The following AXDND1 variants were observed in gnomAD, a reference collection of about 807,000 sequenced individuals.
AXDND1 encodes the protein axonemal dynein light chain domain containing 1.
In AXDND1, 110 loss-of-function variants were observed where a neutral mutation model predicts 137.5. The ratio of observed to expected loss-of-function variants is 0.80; its 90% confidence interval spans 0.69 to 0.94. The LOEUF (loss-of-function observed/expected upper bound fraction) is 0.94. AXDND1 is among the 40% of genes least tolerant of loss of function. The pLI, the probability that AXDND1 is intolerant of heterozygous loss-of-function variation, is 0.00. For missense variants in AXDND1, 1,191 were observed against 1,169.8 expected (o/e 1.02, Z -0.26); for synonymous variants, 414 against 399.7 (o/e 1.04, Z -0.43).
At chr1:179,394,791 T>C (rs12125146) in intron 10 of AXDND1, among the ~76,000 whole-genome samples, 8,330 of 152,204 alleles carry the variant, frequency 0.055, 300 homozygotes, top group Middle Eastern at 0.099. Context: ...AGGATAGTCA[T>C]ATCAGAAAGC....
At chr1:179,505,990 C>T (rs919061366) in intron 20 of AXDND1, among the ~76,000 whole-genome samples, 2 of 152,168 alleles carry the variant, frequency 1.3e-5, no homozygotes, top group African/African-American at 2.4e-5. Flanking sequence ...GCAACCACTC[C>T]ACTTGGAGAT....
chr1:179,375,826 A>AT (rs1374209586), intron 4 of AXDND1, among the ~76,000 whole-genome samples: 3 of 152,134 alleles, frequency 2.0e-5, no homozygotes, highest in East Asian at 1.9e-4. Context: ...CAGCTCTAAC[A>AT]TTTTTCCCCT....
chr1:179,430,696 T>C, intron 14 of AXDND1, 90 bp downstream of exon 14: 1 of 1,373,604 alleles, frequency 7.3e-7, no homozygotes, highest in East Asian at 2.3e-5. Flanking sequence ...TCTTTTACCT[T>C]GTAATCACTC....
intron 20 of AXDND1, among the ~76,000 whole-genome samples, chr1:179,495,994 G>C (rs182295937): frequency 1.8e-4 from 27 of 149,348 alleles, no homozygotes; most frequent in African/African-American, 6.4e-4. Flanking sequence ...TTTTTAGTGC[G>C]TTAATATGGT....
chr1:179,501,050 C>T (rs1667947904), intron 20 of AXDND1, among the ~76,000 whole-genome samples: 1 of 152,142 alleles, frequency 6.6e-6, no homozygotes, highest in African/African-American at 2.4e-5. Context: ...ATGTTGCTAC[C>T]AGGGATCATA....
chr1:179,506,708 C>T (rs1428614014), intron 20 of AXDND1: 2 of 240,362 alleles, frequency 8.3e-6, no homozygotes, highest in Non-Finnish European at 1.3e-5. Flanking sequence ...CTAGCCTGGG[C>T]GACAGAGTAA....
At chr1:179,443,570 C>G (rs955908785) in intron 15 of AXDND1, among the ~76,000 whole-genome samples, 12 of 152,132 alleles carry the variant, frequency 7.9e-5, no homozygotes, top group Admixed American at 2.6e-4. Context: ...TTCTGCCTCC[C>G]CCAACCCCCT....
chr1:179,385,439 C>T, intron 9 of AXDND1, 80 bp downstream of exon 9: 1 of 1,502,112 alleles, frequency 6.7e-7, no homozygotes, highest in Non-Finnish European at 9.2e-7. Flanking sequence ...TTTGAGAATG[C>T]CACAAAAGTG....
chr1:179,396,030 G>A (rs1357624178), intron 11 of AXDND1, among the ~76,000 whole-genome samples: 1 of 152,044 alleles, frequency 6.6e-6, no homozygotes, highest in African/African-American at 2.4e-5. Context: ...TTAGCTGGAG[G>A]TGGAGGTGCT....
At chr1:179,544,245 G>A (rs41267602) in intron 25 of AXDND1, 1 of 152,302 alleles carries the variant, frequency 6.6e-6, no homozygotes, top group Non-Finnish European at 1.5e-5. Context: ...ATGCAAGTTT[G>A]TTAGCCTCTT....
intron 21 of AXDND1, among the ~76,000 whole-genome samples, chr1:179,519,589 T>A (rs1203679420): frequency 6.6e-6 from 1 of 152,226 alleles, no homozygotes; most frequent in Non-Finnish European, 1.5e-5. Flanking sequence ...GGGTTCCAGT[T>A]TCAGTTTTCT....
chr1:179,538,377 T>G (rs1201840647), intron 25 of AXDND1, among the ~76,000 whole-genome samples: 1 of 152,224 alleles, frequency 6.6e-6, no homozygotes, highest in African/African-American at 2.4e-5. Context: ...GTCCCAGAGA[T>G]TCTGGTATGT....
intron 17 of AXDND1, among the ~76,000 whole-genome samples, chr1:179,477,076 T>G (rs1368796099): frequency 1.3e-5 from 2 of 152,206 alleles, no homozygotes; most frequent in Admixed American, 1.3e-4. Context: ...TATATTTATC[T>G]TCAAGTTCAA....
At chr1:179,539,862 A>G (rs112941952) in intron 25 of AXDND1, among the ~76,000 whole-genome samples, 7,077 of 152,022 alleles carry the variant, frequency 0.047, 249 homozygotes, top group Non-Finnish European at 0.07. Context: ...ACATAGTCCC[A>G]TATTTCTTGG....
At chr1:179,411,379 C>T in intron 12 of AXDND1, 113 bp downstream of exon 12, 1 of 1,398,672 alleles carries the variant, frequency 7.1e-7, no homozygotes, top group East Asian at 2.5e-5. Context: ...CTTACTCACT[C>T]TGTTGCTTAG....
intron 25 of AXDND1, chr1:179,543,823 A>G (rs1672392596): frequency 6.6e-6 from 1 of 152,452 alleles, no homozygotes; most frequent in Admixed American, 6.5e-5. Flanking sequence ...GCTTATTTGT[A>G]GCTTGAGGGT....
chr1:179,535,754 G>T (rs1041835638), intron 25 of AXDND1, among the ~76,000 whole-genome samples: 2 of 152,162 alleles, frequency 1.3e-5, no homozygotes, highest in Admixed American at 6.5e-5. Flanking sequence ...TGGGATTGCT[G>T]GGTCAAATGG....
In AXDND1 at chr1:179,552,637, A is replaced by G. The variant is rs200681472; in HGVS notation, c.3032-1875A>G. ...GGCTTGTCTTTGCGCTTCAGCCTCCACAGCCAGTGAGTGCTGAAGCCCAGC... is the reference window on the plus strand; with the variant it reads ...GGCTTGTCTTTGCGCTTCAGCCTCCGCAGCCAGTGAGTGCTGAAGCCCAGC... On this transcript the variant is annotated intron_variant, in intron 25 of 25. Coordinates refer to ENST00000367618, the MANE Select transcript of AXDND1 (RefSeq NM_144696.6). The G allele has an allele frequency of 6.2e-7, 1 of 1,613,548 alleles. No individual in the cohort carries two copies. The highest frequency in any genetic ancestry group is 1.3e-5 in the African/African-American group (1 of 74,944).
chr1:179,552,171 TGGCTC>T, intron 25 of AXDND1: 3 of 208,404 alleles, frequency 1.4e-5, no homozygotes, highest in Admixed American at 5.2e-5. Flanking sequence ...AGCCTTCTCT[TGGCTC>T]TAGCATTGAG....
Sources: allele counts gnomAD v4.1 joint callset (sites outside exome capture counted in the v4.1 genomes callset), GRCh38; gene constraint gnomAD v4.1.1; transcripts MANE v1.5; gene names NCBI Gene and HGNC (gene_info 2026-07-23, HGNC 2026-07-21).